Variants in MITF observed in about 807,000 individuals in gnomAD.
The protein encoded by MITF is microphthalmia-associated transcription factor.
MITF carries 17 observed loss-of-function variants against 60.5 expected under a neutral mutation model. The observed-to-expected ratio is 0.28, with a 90% CI of 0.19 to 0.42. The LOEUF is 0.42. Among genes scored for constraint, MITF ranks in the 10% least tolerant of loss-of-function variants. The pLI is 1.00. For synonymous variants in MITF, 260 were observed against 248.5 expected, an observed-to-expected ratio of 1.05 and a Z score of -0.43; for missense variants, 622 against 683.5, an observed-to-expected ratio of 0.91 and a Z score of 1.00.
At chr3:69,770,109 G>A (rs1217655582) in intron 1 of MITF, among the ~76,000 whole-genome samples, 1 of 152,142 alleles carries the variant, frequency 6.6e-6, no homozygotes, top group Non-Finnish European at 1.5e-5. Flanking sequence ...TGGGGCATAA[G>A]TATAGAAATA....
At chr3:69,915,022 C>G (rs969228890) in intron 2 of MITF, among the ~76,000 whole-genome samples, 2 of 152,116 alleles carry the variant, frequency 1.3e-5, no homozygotes, top group African/African-American at 4.8e-5. Context: ...TTAGTAGGTT[C>G]TTCATAGGTT....
chr3:69,941,153 A>G, intron 4 of MITF, 83 bp from the exon 5 acceptor site: 2 of 888,294 alleles, frequency 2.3e-6, no homozygotes, highest in South Asian at 1.5e-5. Context: ...GCTTTGGGTA[A>G]AAAAAGACCA....
chr3:69,744,447 G>A (rs575936630), intron 1 of MITF, among the ~76,000 whole-genome samples: 11 of 152,100 alleles, frequency 7.2e-5, no homozygotes, highest in Non-Finnish European at 1.0e-4. Context: ...GTGACCTTGG[G>A]CAGGCTGGGT....
intron 9 of MITF, among the ~76,000 whole-genome samples, chr3:69,963,917 A>G (rs1165599749): frequency 1.3e-5 from 2 of 151,118 alleles, no homozygotes; most frequent in African/African-American, 4.9e-5. Flanking sequence ...CTGAAGGACC[A>G]TGAAAGCTGA....
At chr3:69,782,232 A>G (rs1245960221) in intron 1 of MITF, among the ~76,000 whole-genome samples, 1 of 152,222 alleles carries the variant, frequency 6.6e-6, no homozygotes, top group Non-Finnish European at 1.5e-5. Flanking sequence ...ATAAGGCATG[A>G]GCCATTTTGA....
intron 1 of MITF, among the ~76,000 whole-genome samples, chr3:69,789,063 G>A (rs1016320304): frequency 3.3e-5 from 5 of 151,766 alleles, no homozygotes; most frequent in African/African-American, 9.7e-5. Flanking sequence ...AACACCAAAA[G>A]CACAGGCAAC....
At chr3:69,864,466 C>T (rs1436026028) in intron 1 of MITF, among the ~76,000 whole-genome samples, 1 of 152,212 alleles carries the variant, frequency 6.6e-6, no homozygotes, top group Non-Finnish European at 1.5e-5. Context: ...GTTTTACGAG[C>T]AATCTGCCCA....
At chr3:69,888,644 G>T (rs187713363) in intron 2 of MITF, among the ~76,000 whole-genome samples, 5 of 151,952 alleles carry the variant, frequency 3.3e-5, no homozygotes, top group Admixed American at 2.6e-4. Context: ...TTATAAAACC[G>T]GTTGATTTAA....
chr3:69,957,169 T>A (rs900939016), intron 8 of MITF, among the ~76,000 whole-genome samples: 2 of 152,160 alleles, frequency 1.3e-5, no homozygotes, highest in African/African-American at 4.8e-5. Context: ...CTCAAGTCTT[T>A]CCTACCAGCC....
chr3:69,907,504 T>C (rs565529508), intron 2 of MITF, among the ~76,000 whole-genome samples: 6 of 152,338 alleles, frequency 3.9e-5, no homozygotes, highest in African/African-American at 1.4e-4. Context: ...AGACTCATGA[T>C]GGACAACTTT....
At chr3:69,913,499 T>C (rs2065266863) in intron 2 of MITF, among the ~76,000 whole-genome samples, 1 of 152,170 alleles carries the variant, frequency 6.6e-6, no homozygotes, top group Non-Finnish European at 1.5e-5. Flanking sequence ...TTTCTAAGAC[T>C]CCAAAGAAAC....
At chr3:69,931,640 G>A (rs932844426) in intron 2 of MITF, among the ~76,000 whole-genome samples, 34 of 152,034 alleles carry the variant, frequency 2.2e-4, no homozygotes, top group African/African-American at 8.0e-4. Flanking sequence ...GAATTCAGAA[G>A]CCTACAATGT....
intron 1 of MITF, among the ~76,000 whole-genome samples, chr3:69,878,306 A>T (rs1176623163): frequency 6.6e-6 from 1 of 152,228 alleles, no homozygotes; most frequent in East Asian, 1.9e-4. Context: ...AACCATATTT[A>T]GGAAAATTAG....
At chr3:69,779,755 G>A (rs2062533020) in intron 1 of MITF, among the ~76,000 whole-genome samples, 3 of 152,088 alleles carry the variant, frequency 2.0e-5, no homozygotes, top group Admixed American at 2.0e-4. Flanking sequence ...TTAACACACA[G>A]TTGTGAGAAG....
At chr3:69,924,044 G>T (rs2065529874) in intron 2 of MITF, among the ~76,000 whole-genome samples, 1 of 152,144 alleles carries the variant, frequency 6.6e-6, no homozygotes, top group South Asian at 2.1e-4. Context: ...CAATTTGTTT[G>T]AAAGAGGTAG....
At chr3:69,820,348 C>T (rs1445018289) in intron 1 of MITF, among the ~76,000 whole-genome samples, 6 of 152,132 alleles carry the variant, frequency 3.9e-5, no homozygotes, top group Admixed American at 2.0e-4. Context: ...GTCCAAGTTA[C>T]ACTTTGATGT....
chr3:69,767,775 C>T (rs1384740759), intron 1 of MITF, among the ~76,000 whole-genome samples: 1 of 152,086 alleles, frequency 6.6e-6, no homozygotes, highest in African/African-American at 2.4e-5. Context: ...AGTGCTCTGG[C>T]TGCCAAATGA....
chr3:69,833,465 T>C (rs140701324), intron 1 of MITF, among the ~76,000 whole-genome samples: 2 of 152,302 alleles, frequency 1.3e-5, no homozygotes, highest in East Asian at 3.9e-4. Flanking sequence ...TATGTGATTG[T>C]TTTTCTATGT....
At chr3:69,741,419 A>G (rs1703525106) in intron 1 of MITF, among the ~76,000 whole-genome samples, 1 of 152,212 alleles carries the variant, frequency 6.6e-6, no homozygotes, top group Admixed American at 6.5e-5. Context: ...TAGCTGATAC[A>G]TAACATTAAA....
Sources: allele counts gnomAD v4.1 joint callset (sites outside exome capture counted in the v4.1 genomes callset), GRCh38; gene constraint gnomAD v4.1.1; transcripts MANE v1.5; gene names NCBI Gene and HGNC (gene_info 2026-07-23, HGNC 2026-07-21).